Variants in SIGLEC1 observed in about 807,000 individuals in gnomAD.
SIGLEC1 encodes sialic acid binding Ig like lectin 1, also known as sialoadhesin.
SIGLEC1 carries 132 observed loss-of-function variants against 148.0 expected under a neutral mutation model. That is an observed-to-expected ratio of 0.89 (90% CI 0.77 to 1.03). The LOEUF is 1.03. Among genes scored for constraint, SIGLEC1 ranks in the 50% least tolerant of loss-of-function variants. The pLI, the probability that SIGLEC1 is intolerant of heterozygous loss-of-function variation, is 0.00. For missense variants in SIGLEC1, 2,253 were observed against 2,271.4 expected (o/e 0.99, Z 0.16); for synonymous variants, 945 against 969.0 (o/e 0.98, Z 0.46).
At chr20:3,689,265 T>A (rs1441285086) in intron 20 of SIGLEC1, 38 bp from the exon 21 acceptor site, 1 of 1,546,406 alleles carries the variant, frequency 6.5e-7, no homozygotes, top group Admixed American at 1.7e-5. Context: ...GCCTCTCCCC[T>A]CCCCACCTCC....
rs1354818664 is a variant in SIGLEC1 at position 3,706,354 on chromosome 20, T to C, written c.402A>G (p.Thr134=). 8.1e-6 allele frequency: 13 copies of C among 1,609,164 alleles called. No individual in the cohort carries two copies. Among genetic ancestry groups the C allele is most frequent in the Non-Finnish European group, 9.3e-6 (11 of 1,177,194 alleles). ...RWSDVKGTLV[T]VTEEPRVPTI... is the part of the protein sequence containing the mutation. Reference sequence around the variant, plus strand: ...GGCCACCCCACTTATCACCTGTTACTGTGACCAAGGTGCCTTTCACATCTG... The same window carrying C: ...GGCCACCCCACTTATCACCTGTTACCGTGACCAAGGTGCCTTTCACATCTG... Residue 134 remains threonine, a synonymous_variant, in exon 3 of 22, where the codon ACA becomes ACG. Transcript: ENST00000344754.
rs761195399 is a variant in SIGLEC1 at position 3,690,091 on chromosome 20, C to T, written c.4765G>A (p.Val1589Ile). 7 of 1,611,618 alleles carry T rather than the reference C, an allele frequency of 4.3e-6. No individual in the cohort carries two copies. The highest frequency in any genetic ancestry group is 1.1e-5 in the South Asian group (1 of 90,612). Residue 1589 changes from valine to isoleucine, a missense_variant, in exon 19 of 22, where the codon GTC becomes ATC. Coordinates refer to ENST00000344754, the MANE Select transcript of SIGLEC1 (RefSeq NM_023068.4). ...QGAPAEPHIH[V>I]LASPNALRVD... is the part of the protein sequence containing the mutation. Reference sequence around the variant, plus strand: ...CTCAGGGCATTGGGGGAAGCCAGGACATGGATGTGTGGCTCTGCAGGAGCA... The same window carrying T: ...CTCAGGGCATTGGGGGAAGCCAGGATATGGATGTGTGGCTCTGCAGGAGCA...
At chr20:3,698,266 C>G in intron 8 of SIGLEC1, 133 bp from the exon 9 acceptor site, 1 of 783,728 alleles carries the variant, frequency 1.3e-6, no homozygotes, top group South Asian at 2.1e-5. Flanking sequence ...AGACTGTGCA[C>G]TGCACAAGGG....
chr20:3,689,926 CA>C, intron 19 of SIGLEC1, 35 bp downstream of exon 19: 1 of 1,560,634 alleles, frequency 6.4e-7, no homozygotes, highest in Non-Finnish European at 8.8e-7. Flanking sequence ...GGCTTTTGTG[CA>C]GAGTGGCCTG....
intron 20 of SIGLEC1, 24 bp downstream of exon 20, chr20:3,689,576 G>A (rs1204349701): frequency 6.6e-6 from 10 of 1,513,202 alleles, no homozygotes; most frequent in South Asian, 2.4e-5. Context: ...CAATCTTCTG[G>A]CCCACTCCCA....
chr20:3,706,861 G>A (rs1568463664), intron 2 of SIGLEC1, among the ~76,000 whole-genome samples, 155 bp from the exon 3 acceptor site: 1 of 152,166 alleles, frequency 6.6e-6, no homozygotes, highest in Non-Finnish European at 1.5e-5. Context: ...CCTTCTCAGT[G>A]CCCCAGGGGT....
At position 3,692,143 on chromosome 20, in the gene SIGLEC1, C is replaced by A; in HGVS notation, c.4090G>T (p.Val1364Leu). Residue 1364 changes from valine to leucine, a missense_variant, in exon 17 of 22, where the codon GTG becomes TTG. By Grantham distance (32) the Val-to-Leu change is conservative. Coordinates refer to ENST00000344754, the MANE Select transcript of SIGLEC1 (RefSeq NM_023068.4). ...FRDSRARSMAVIQCTVDSEPP... is the reference protein window; with the variant it reads ...FRDSRARSMALIQCTVDSEPP... Reference sequence around the variant, plus strand: ...TCACTGTCCACAGTGCACTGTATCACAGCCATGGATCTGGCCCTGGAGTCC... The same window carrying A: ...TCACTGTCCACAGTGCACTGTATCAAAGCCATGGATCTGGCCCTGGAGTCC... 1 of 1,593,012 alleles carries A rather than the reference C, an allele frequency of 6.3e-7. No homozygotes were observed.
In SIGLEC1 at chr20:3,703,308, G is replaced by A. The variant is rs747739517; in HGVS notation, c.1117C>T (p.His373Tyr). The change falls in exon 6 of 22, where the codon CAT becomes TAT. Residue 373 changes from histidine (H) to tyrosine (Y), a missense_variant. Physicochemically the swap from His to Tyr is moderately conservative, Grantham distance 83. Coordinates refer to ENST00000344754, the MANE Select transcript of SIGLEC1 (RefSeq NM_023068.4). ...NHVLLEDAHS[H>Y]TLRLHLATRA... is the part of the protein sequence containing the mutation. Reference sequence around the variant, plus strand: ...GTGGCCAAGTGCAGCCGGAGGGTATGGGAGTGGGCATCCTCCAGCAGGACA... The same window carrying A: ...GTGGCCAAGTGCAGCCGGAGGGTATAGGAGTGGGCATCCTCCAGCAGGACA... The A allele has an allele frequency of 5.6e-6, 9 of 1,614,072 alleles. No homozygotes were observed. The South Asian group carries it at 8.8e-5, about 16-fold the overall frequency.
rs749612007 is a variant in SIGLEC1 at position 3,688,631 on chromosome 20, G to T, written c.5071-12C>A. 2 of 1,584,896 alleles carry T rather than the reference G, an allele frequency of 1.3e-6. No individual in the cohort carries two copies. Among genetic ancestry groups the T allele is most frequent in the Admixed American group, 3.6e-5 (2 of 55,944 alleles). ...TCAGGATCAATGAGCTTCCCACAGA[G>T]AAAACCCTGGTCACAGGAGGCCTCT... On this transcript the variant is annotated splice_polypyrimidine_tract_variant and intron_variant, in intron 21 of 21. Coordinates refer to ENST00000344754, the MANE Select transcript of SIGLEC1 (RefSeq NM_023068.4).
chr20:3,697,769 C>A, intron 9 of SIGLEC1, 29 bp downstream of exon 9: 1 of 1,604,470 alleles, frequency 6.2e-7, no homozygotes, highest in Non-Finnish European at 8.5e-7. Flanking sequence ...GCCCCTGCCC[C>A]CAGGCCACCC....
chr20:3,692,591 G>A lies in SIGLEC1; in HGVS notation c.3960C>T (p.Gly1320=), dbSNP rs376077734. 3.2e-5 allele frequency: 52 copies of A among 1,612,108 alleles called. No homozygotes were observed. Among genetic ancestry groups the A allele is most frequent in the Middle Eastern group, 1.7e-4 (1 of 6,054 alleles). ...SFLVATRAHA[G]AYSCQAQDAQ... ...CATCCTGGGCCTGGCAAGAGTAGGC[G>A]CCTGCATGAGCCCGCGTGGCCACCA... The change falls in exon 16 of 22, where the codon GGC becomes GGT. Residue 1320 remains glycine, a synonymous_variant. Coordinates refer to ENST00000344754, the MANE Select transcript of SIGLEC1 (RefSeq NM_023068.4).
chr20:3,697,694 C>G, intron 9 of SIGLEC1, 104 bp downstream of exon 9: 1 of 1,030,588 alleles, frequency 9.7e-7, no homozygotes. Flanking sequence ...GAAGGGCCCC[C>G]ACTGCTGCAC....
At position 3,699,458 on chromosome 20, in the gene SIGLEC1, G is replaced by A. The variant is rs7271709; in HGVS notation, c.1530C>T (p.Ala510=). ...ATSTLDFHAN[A]ARLLISPAAE... ...CTGCCGGGCTGATGAGGAGACGGGC[G>A]GCTGCGGGGAGAGGAAGAGGCTGGG... The change falls in exon 8 of 22, where the codon GCC becomes GCT. Residue 510 remains alanine (A), a splice_region_variant and synonymous_variant. Transcript: ENST00000344754. The A allele has an allele frequency of 8.7e-3, 14,042 of 1,607,382 alleles. 1,016 individuals carry two copies. The African/African-American group carries it at 0.16, about 19-fold the overall frequency.
chr20:3,690,536 C>T (rs2088748360), intron 18 of SIGLEC1, among the ~76,000 whole-genome samples: 1 of 152,266 alleles, frequency 6.6e-6, no homozygotes, highest in Admixed American at 6.5e-5. Flanking sequence ...GCACATGTGG[C>T]CCAACTGGCA....
Position 3,690,044 on chromosome 20 carries a change from C to G in SIGLEC1, c.4812G>C (p.Arg1604Ser). 6.2e-7 allele frequency: 1 copy of G among 1,612,468 alleles called. No homozygotes were observed. Among genetic ancestry groups the G allele is most frequent in the South Asian group, 1.1e-5 (1 of 90,754 alleles). ...AGATGTATTCCCCTTGGTCGCTGGG[C>G]CTCAGCGCCTCGATGTCCACCCTCA... The part of the protein sequence containing the change: ...NALRVDIEAL[R>S]PSDQGEYICS... Residue 1604 changes from arginine to serine, a missense_variant, in exon 19 of 22, where the codon AGG (arginine) becomes AGC (serine). Transcript: ENST00000344754.
intron 4 of SIGLEC1, 45 bp downstream of exon 4, chr20:3,705,699 C>A: frequency 7.1e-6 from 11 of 1,552,910 alleles, no homozygotes; most frequent in Non-Finnish European, 9.6e-6. Flanking sequence ...CTGTCAGGAG[C>A]AACAGATGCG....
At position 3,692,856 on chromosome 20, in the gene SIGLEC1, C is replaced by T. The variant is rs756367096; in HGVS notation, c.3778+6G>A. 5 of 1,607,148 alleles carry T rather than the reference C, an allele frequency of 3.1e-6. No homozygotes were observed. The highest frequency in any genetic ancestry group is 1.3e-5 in the African/African-American group (1 of 75,004). Reference sequence around the variant, plus strand: ...CCCAGTGGGCTTGGCCTAGGCCCTGCCTTACCCTCCAGCCGCAGCTCCAGG... The same window carrying T: ...CCCAGTGGGCTTGGCCTAGGCCCTGTCTTACCCTCCAGCCGCAGCTCCAGG... On this transcript the variant is annotated splice_donor_region_variant and intron_variant, in intron 15 of 21. Coordinates refer to ENST00000344754, the MANE Select transcript of SIGLEC1 (RefSeq NM_023068.4).
chr20:3,692,467 G>T, intron 16 of SIGLEC1, 54 bp downstream of exon 16: 1 of 1,517,334 alleles, frequency 6.6e-7, no homozygotes, highest in Non-Finnish European at 8.8e-7. Context: ...GAGCCCAGAA[G>T]CACCCTCCAC....
In SIGLEC1 at chr20:3,704,013, C is replaced by T. The variant is rs750038716; in HGVS notation, c.785G>A (p.Cys262Tyr). The change falls in exon 5 of 22, where the codon TGC becomes TAC. Residue 262 changes from cysteine (C) to tyrosine (Y), a missense_variant. Coordinates refer to ENST00000344754, the MANE Select transcript of SIGLEC1 (RefSeq NM_023068.4). ...ILPGELVTLTCQVNSSYPAVS... is the reference protein window; with the variant it reads ...ILPGELVTLTYQVNSSYPAVS... ...TGCAGGGTAGCTGCTGTTCACCTGG[C>T]AGGTGAGTGTGACCAGCTCACCTGG... 8 of 1,613,066 alleles carry T rather than the reference C, an allele frequency of 5.0e-6. No homozygotes were observed. The African/African-American group carries it at 8.0e-5, about 16-fold the overall frequency.
Sources: allele counts gnomAD v4.1 joint callset (sites outside exome capture counted in the v4.1 genomes callset), GRCh38; gene constraint gnomAD v4.1.1; transcripts MANE v1.5; gene names NCBI Gene and HGNC (gene_info 2026-07-23, HGNC 2026-07-21).